The following CNTNAP4 variants were observed in gnomAD, a reference collection of about 807,000 sequenced individuals.
CNTNAP4 encodes contactin-associated protein-like 4.
In CNTNAP4, 98 loss-of-function variants were observed where a neutral mutation model predicts 148.4. That is an observed-to-expected ratio of 0.66 (90% CI 0.56 to 0.78). The LOEUF is 0.78. Among genes scored for constraint, CNTNAP4 ranks in the 30% least tolerant of loss-of-function variants. The probability of loss-of-function intolerance (pLI) is 0.00; values close to 1 mark genes in which losing one functional copy is unlikely to be tolerated. For synonymous variants in CNTNAP4, 730 were observed against 565.1 expected (o/e 1.29, Z -4.14); for missense variants, 1,935 against 1,565.6 (o/e 1.24, Z -3.98).
intron 3 of CNTNAP4, among the ~76,000 whole-genome samples, chr16:76,357,124 T>G (rs1417691441): frequency 6.6e-6 from 1 of 151,190 alleles, no homozygotes; most frequent in East Asian, 1.9e-4. Flanking sequence ...ACTAATTCCA[T>G]GAAAGCCACT....
chr16:76,515,822 A>C lies in CNTNAP4; in HGVS notation c.2366-5318A>C, dbSNP rs118127255. ...GATTTAAAAAAAAAATAGTGCCAACACAAAATACTGGTCAGTATATTGAGA... is the reference window on the plus strand; with the variant it reads ...GATTTAAAAAAAAAATAGTGCCAACCCAAAATACTGGTCAGTATATTGAGA... On this transcript the variant is annotated intron_variant, in intron 15 of 23. Coordinates refer to ENST00000611870, the MANE Select transcript of CNTNAP4 (RefSeq NM_033401.5). Among the ~76,000 whole-genome samples, 852 of 152,292 alleles carry C rather than the reference A, an allele frequency of 5.6e-3. 4 individuals are homozygous for C. The highest frequency in any genetic ancestry group is 9.6e-3 in the Non-Finnish European group (651 of 68,018).
chr16:76,448,451 A>C (rs549678711), intron 5 of CNTNAP4, among the ~76,000 whole-genome samples: 1 of 152,258 alleles, frequency 6.6e-6, no homozygotes, highest in African/African-American at 2.4e-5. Context: ...ATTTTCTAAC[A>C]TCATAAAGGA....
chr16:76,419,569 C>T (rs1007293955), intron 3 of CNTNAP4, among the ~76,000 whole-genome samples: 1 of 151,992 alleles, frequency 6.6e-6, no homozygotes, highest in Non-Finnish European at 1.5e-5. Flanking sequence ...AGAAGTTTTC[C>T]TGTCAGTTTC....
At chr16:76,516,545 T>C (rs576546530) in intron 15 of CNTNAP4, among the ~76,000 whole-genome samples, 2 of 152,220 alleles carry the variant, frequency 1.3e-5, no homozygotes, top group African/African-American at 2.4e-5. Context: ...AATCCAGTGA[T>C]TGTACTCTTG....
At chr16:76,418,334 A>G (rs980058192) in intron 3 of CNTNAP4, among the ~76,000 whole-genome samples, 1 of 127,234 alleles carries the variant, frequency 7.9e-6, no homozygotes, top group African/African-American at 2.6e-5. Flanking sequence ...TTCTTTTTCT[A>G]TTACAGCTTT....
intron 3 of CNTNAP4, among the ~76,000 whole-genome samples, chr16:76,384,404 A>C (rs560399362): frequency 6.6e-6 from 1 of 152,268 alleles, no homozygotes; most frequent in South Asian, 2.1e-4. Context: ...AGTAATGAGC[A>C]CCATGAGGAC....
chr16:76,447,935 A>T, intron 4 of CNTNAP4, 77 bp from the exon 5 acceptor site: 1 of 1,054,512 alleles, frequency 9.5e-7, no homozygotes, highest in Non-Finnish European at 1.4e-6. Flanking sequence ...GCCTTTTCTC[A>T]ATATATAATG....
At chr16:76,369,354 T>C (rs923432408) in intron 3 of CNTNAP4, among the ~76,000 whole-genome samples, 4 of 152,190 alleles carry the variant, frequency 2.6e-5, no homozygotes, top group Admixed American at 2.6e-4. Context: ...GACAGGGTTT[T>C]CCAGAGAAAT....
intron 2 of CNTNAP4, 104 bp downstream of exon 2, chr16:76,316,627 A>G (rs2144094430): frequency 2.6e-6 from 2 of 760,782 alleles, no homozygotes; most frequent in Middle Eastern, 4.7e-4. Flanking sequence ...AAGAAAGTAA[A>G]TTTCGAAATA....
rs369786922 is a variant in CNTNAP4 at position 76,352,352 on chromosome 16, C to T, written c.197-2966C>T. Among the ~76,000 whole-genome samples the T allele has an allele frequency of 9.9e-5, 15 of 152,118 alleles. No individual in the cohort carries two copies. The South Asian group carries it at 1.7e-3, about 17-fold the overall frequency. Reference sequence around the variant, plus strand: ...TGTGCCTATACTTCAAAGACACGGTCCATTGTAAACTACAGGGAGGGAAGT... The same window carrying T: ...TGTGCCTATACTTCAAAGACACGGTTCATTGTAAACTACAGGGAGGGAAGT... On this transcript the variant is annotated intron_variant, in intron 2 of 23. Transcript: ENST00000611870.
chr16:76,300,769 T>C (rs1032088267), intron 1 of CNTNAP4, among the ~76,000 whole-genome samples: 3 of 152,110 alleles, frequency 2.0e-5, no homozygotes, highest in East Asian at 1.9e-4. Flanking sequence ...AGTCAAAACA[T>C]TGGCACGTTG....
intron 3 of CNTNAP4, among the ~76,000 whole-genome samples, chr16:76,403,027 G>A (rs1429467253): frequency 3.3e-5 from 5 of 150,294 alleles, no homozygotes; most frequent in African/African-American, 1.2e-4. Context: ...GTTTTTGGGT[G>A]AAGAAAAAAA....
chr16:76,375,445 A>G (rs2015321411), intron 3 of CNTNAP4, among the ~76,000 whole-genome samples: 1 of 152,138 alleles, frequency 6.6e-6, no homozygotes, highest in South Asian at 2.1e-4. Flanking sequence ...TTTATGAAAT[A>G]TATTTATTCT....
intron 8 of CNTNAP4, among the ~76,000 whole-genome samples, chr16:76,460,026 T>C (rs528312901): frequency 6.6e-6 from 1 of 152,216 alleles, no homozygotes; most frequent in Non-Finnish European, 1.5e-5. Flanking sequence ...ACTTGGAAAA[T>C]ATGTAAGTAA....
chr16:76,536,745 C>T (rs893499604), intron 18 of CNTNAP4, among the ~76,000 whole-genome samples: 1 of 152,088 alleles, frequency 6.6e-6, no homozygotes, highest in Non-Finnish European at 1.5e-5. Flanking sequence ...TGATATGCCT[C>T]ATGGAAGAAG....
At chr16:76,394,347 C>A (rs775536243) in intron 3 of CNTNAP4, among the ~76,000 whole-genome samples, 1 of 152,058 alleles carries the variant, frequency 6.6e-6, no homozygotes, top group African/African-American at 2.4e-5. Flanking sequence ...TACACTCACA[C>A]GTACACACTT....
At chr16:76,540,345 A>C (rs1002716037) in intron 20 of CNTNAP4, among the ~76,000 whole-genome samples, 1 of 152,088 alleles carries the variant, frequency 6.6e-6, no homozygotes, top group Non-Finnish European at 1.5e-5. Flanking sequence ...AATACCAAGT[A>C]AAAGTGTTAA....
At chr16:76,527,158 T>G (rs561029917) in intron 17 of CNTNAP4, among the ~76,000 whole-genome samples, 1 of 152,276 alleles carries the variant, frequency 6.6e-6, no homozygotes, top group South Asian at 2.1e-4. Flanking sequence ...ATCTTCTTCC[T>G]CTCCTTTAAT....
chr16:76,398,836 G>T (rs966473640), intron 3 of CNTNAP4, among the ~76,000 whole-genome samples: 104 of 152,044 alleles, frequency 6.8e-4, no homozygotes, highest in African/African-American at 2.4e-3. Context: ...ACATATATTT[G>T]TACATATATA....
Sources: gnomAD v4.1 joint callset for allele counts (sites outside exome capture counted in the v4.1 genomes callset) on GRCh38, gnomAD v4.1.1 for gene constraint, MANE v1.5 for transcripts, NCBI Gene and HGNC (gene_info 2026-07-23, HGNC 2026-07-21) for gene names.